Variants in CCDC51 observed in about 807,000 individuals in gnomAD.
CCDC51 encodes mitochondrial potassium channel.
Under a neutral mutation model 24.8 loss-of-function variants are expected in CCDC51, and 25 were observed. The observed-to-expected ratio is 1.01, with a 90% confidence interval of 0.73 to 1.41. The LOEUF (loss-of-function observed/expected upper bound fraction) is 1.41, where lower values mean the gene tolerates loss of function less well. Among genes scored for constraint, CCDC51 ranks in the 40% most tolerant of loss-of-function variants. The pLI is 0.00. For missense variants in CCDC51, 466 were observed against 519.1 expected, an observed-to-expected ratio of 0.90 and a Z score of 0.99; for synonymous variants, 190 against 204.3, an observed-to-expected ratio of 0.93 and a Z score of 0.60.
chr3:48,440,618 G>A (rs1258778650), upstream of CCDC51: 2 of 1,611,138 alleles, frequency 1.2e-6, no homozygotes, highest in Admixed American at 3.3e-5. Context: ...CCGCGGGGAA[G>A]GGGCCCTTGG....
At position 48,433,719 on chromosome 3, in the gene CCDC51, G is replaced by A; in HGVS notation, c.465C>T (p.His155=). Residue 155 remains histidine (H), a synonymous_variant, in exon 3 of 4, where the codon CAC becomes CAT. Transcript: ENST00000395694. This position sits in a 1 kb window ranked among gnomAD's most constrained non-coding sequence, Gnocchi z 4.4. ...CTGAGGTGCCTACCTGCAGCATCCT[G>A]TGCTCGAGAGTAGCCAGTTCCAAGT... The part of the protein sequence containing the change: ...SQYLELATLE[H]RMLQEEKRLR... 1 of 1,613,664 alleles carries A rather than the reference G, an allele frequency of 6.2e-7. No individual in the cohort carries two copies. Among genetic ancestry groups the A allele is most frequent in the African/African-American group, 1.3e-5 (1 of 75,002 alleles).
In CCDC51 at chr3:48,437,222, A is replaced by G. The variant is rs987951022; in HGVS notation, c.-8-2086T>C. On this transcript the variant is annotated intron_variant, in intron 1 of 3. Coordinates refer to ENST00000395694, the MANE Select transcript of CCDC51 (RefSeq NM_001256964.2). This position sits in a 1 kb window ranked among gnomAD's most constrained non-coding sequence, Gnocchi z 4.2. ...CTGCTTTATTTTTCTCCTGATGGAT[A>G]TATTTCCTTATGTGTTGCCTATTCT... 1.3e-5 allele frequency among the ~76,000 whole-genome samples: 2 copies of G among 152,192 alleles called. No homozygotes were observed. Among genetic ancestry groups the G allele is most frequent in the Non-Finnish European group, 2.9e-5 (2 of 68,036 alleles).
In CCDC51 at chr3:48,432,518, G is replaced by C. The variant is rs2039201365; in HGVS notation, c.1126C>G (p.Gln376Glu). 2 of 1,614,206 alleles carry C rather than the reference G, an allele frequency of 1.2e-6. No individual in the cohort carries two copies. Among genetic ancestry groups the C allele is most frequent in the Non-Finnish European group, 8.5e-7 (1 of 1,180,048 alleles). The change falls in exon 4 of 4, where the codon CAG (glutamine) becomes GAG (glutamate). Residue 376 changes from glutamine to glutamate, a missense_variant. Physicochemically the swap from Gln to Glu is conservative, Grantham distance 29. Transcript: ENST00000395694. The stretch of plus-strand genomic sequence containing the variant: ...CTGTTGACTTGGGCTTCTAGTCTCT[G>C]CTCCGTGTCTGACAGTGCCAAGATC... The part of the protein sequence containing the change: ...SMILALSDTE[Q>E]RLEAQVNRNT...
At chr3:48,445,700 C>T in the CCDC51 span, among the ~76,000 whole-genome samples, 1 of 152,186 alleles carries the variant, frequency 6.6e-6, no homozygotes, top group East Asian at 1.9e-4. Flanking sequence ...CATTATAGGC[C>T]CTGATAGCAC....
rs901182539 is a variant in CCDC51 at position 48,437,433 on chromosome 3, G to GC, written c.-8-2298dup. 5.3e-5 allele frequency among the ~76,000 whole-genome samples: 8 copies of GC among 151,960 alleles called. No individual in the cohort carries two copies. The highest frequency in any genetic ancestry group is 8.8e-5 in the Non-Finnish European group (6 of 67,996). On this transcript the variant is annotated intron_variant, in intron 1 of 3. Transcript: ENST00000395694. The surrounding 1 kb of genome is among the most constrained non-coding windows in gnomAD (Gnocchi z 4.2). Reference sequence around the variant, plus strand: ...ATGTCACCACTTAGATGTTTCACAGGCCCCCCAACCAGCAAGGAGAAGAAT... The same window carrying GC: ...ATGTCACCACTTAGATGTTTCACAGGCCCCCCCAACCAGCAAGGAGAAGAAT...
chr3:48,438,564 C>T (rs1254130422), intron 1 of CCDC51, among the ~76,000 whole-genome samples: 1 of 152,130 alleles, frequency 6.6e-6, no homozygotes, highest in African/African-American at 2.4e-5. Flanking sequence ...TCATTTCTCT[C>T]CCACCTCACA....
intron 1 of CCDC51, among the ~76,000 whole-genome samples, chr3:48,439,253 T>C (rs1167872688): frequency 6.6e-6 from 1 of 152,244 alleles, no homozygotes; most frequent in Non-Finnish European, 1.5e-5. Flanking sequence ...GGTACCTACA[T>C]ATAGTACGTA....
chr3:48,441,550 T>C (rs2039568711), upstream of CCDC51, among the ~76,000 whole-genome samples: 2 of 152,144 alleles, frequency 1.3e-5, no homozygotes, highest in African/African-American at 4.8e-5. Context: ...TCTGAGTCTT[T>C]TTACTTCTGG....
chr3:48,432,876 G>A lies in CCDC51; in HGVS notation c.768C>T (p.Ser256=). ...EAIREQASSY[S]RQQRDLHNLM... is the part of the protein sequence containing the mutation. ...GATTGTGGAGGTCCCTCTGCTGGCG[G>A]GAGTAGCTAGACGCCTGTTCTCGAA... The change falls in exon 4 of 4, where the codon TCC becomes TCT. Residue 256 remains serine, a synonymous_variant. Transcript: ENST00000395694. The A allele has an allele frequency of 3.7e-6, 6 of 1,613,746 alleles. No individual in the cohort carries two copies. Among genetic ancestry groups the A allele is most frequent in the Non-Finnish European group, 5.1e-6 (6 of 1,179,798 alleles).
Position 48,435,011 on chromosome 3 carries a change from C to G in CCDC51, c.118G>C (p.Gly40Arg), listed in dbSNP as rs775136508. The change falls in exon 2 of 4, where the codon GGC (glycine) becomes CGC (arginine). Residue 40 changes from glycine (G) to arginine (R), a missense_variant. Gly to Arg is a moderately radical substitution (Grantham distance 125). Coordinates refer to ENST00000395694, the MANE Select transcript of CCDC51 (RefSeq NM_001256964.2). The surrounding 1 kb of genome is among the most constrained non-coding windows in gnomAD (Gnocchi z 4.2). Reference protein sequence around the residue: ...LFMTRTLCSPGPSQPGEKRPE... With the variant: ...LFMTRTLCSPRPSQPGEKRPE... ...CTTTTCTCTCCGGGCTGGCTTGGGCCTGGGCTGCAGAGAGTCCTGGTCATG... is the reference window on the plus strand; with the variant it reads ...CTTTTCTCTCCGGGCTGGCTTGGGCGTGGGCTGCAGAGAGTCCTGGTCATG... The G allele has an allele frequency of 6.0e-5, 97 of 1,614,114 alleles. No homozygotes were observed. Among genetic ancestry groups the G allele is most frequent in the Non-Finnish European group, 7.3e-5 (86 of 1,180,040 alleles).
In CCDC51 at chr3:48,432,995, C is replaced by G. The variant is rs760018290; in HGVS notation, c.649G>C (p.Ala217Pro). 9 of 1,614,210 alleles carry G rather than the reference C, an allele frequency of 5.6e-6. No individual in the cohort carries two copies. Among genetic ancestry groups the G allele is most frequent in the Non-Finnish European group, 7.6e-6 (9 of 1,180,044 alleles). The change falls in exon 4 of 4, where the codon GCT becomes CCT. Residue 217 changes from alanine (A) to proline (P), a missense_variant. Transcript: ENST00000395694. ...ACACGGTTCACATAGGTGGAGCCAG[C>G]CACACCAATCAGGGCCCCCAGGACT... ...GSVLGALIGV[A>P]GSTYVNRVRL...
chr3:48,440,231 A>C, upstream of CCDC51: 1 of 1,546,938 alleles, frequency 6.5e-7, no homozygotes, highest in East Asian at 2.2e-5. Context: ...CTCGCTGTCT[A>C]CGACAAAGGG....
At chr3:48,436,848 T>G (rs1231409126) in intron 1 of CCDC51, among the ~76,000 whole-genome samples, 1 of 152,214 alleles carries the variant, frequency 6.6e-6, no homozygotes, top group Non-Finnish European at 1.5e-5. Context: ...CTGTCTCCTA[T>G]GCAATCTCGG....
chr3:48,441,163 C>G (rs1418280807), upstream of CCDC51: 1 of 153,278 alleles, frequency 6.5e-6, no homozygotes, highest in Non-Finnish European at 1.5e-5. Flanking sequence ...TTACAGGCGC[C>G]TGGCACCACG....
At chr3:48,440,248 A>G (rs1560095405), upstream of CCDC51, 4 of 1,569,570 alleles carry the variant, frequency 2.5e-6, no homozygotes, top group South Asian at 2.4e-5. Flanking sequence ...AGGGTGGGGC[A>G]GACGCTCCGT....
chr3:48,435,173 G>T lies in CCDC51; in HGVS notation c.-8-37C>A. On this transcript the variant is annotated intron_variant, in intron 1 of 3. Transcript: ENST00000395694. The surrounding 1 kb of genome is among the most constrained non-coding windows in gnomAD (Gnocchi z 4.2). ...ACGCCAGACAGGTCAGCTCACAGCT[G>T]AGAAAGGCTGGACATAAGTCAGTTT... is the stretch of plus-strand genomic sequence containing the variant. The T allele has an allele frequency of 6.7e-7, 1 of 1,503,142 alleles. No individual in the cohort carries two copies. Among genetic ancestry groups the T allele is most frequent in the South Asian group, 1.3e-5 (1 of 74,712 alleles). 93.1% of individuals were successfully genotyped at this position (1,503,142 alleles called of 1,614,324 possible). A position where few individuals can be genotyped will look rare whatever the true frequency, so the allele number is the denominator to read the frequency against.
chr3:48,441,389 G>A (rs577801807), upstream of CCDC51, among the ~76,000 whole-genome samples: 1 of 151,228 alleles, frequency 6.6e-6, no homozygotes, highest in East Asian at 1.9e-4. Context: ...CACCATGTTG[G>A]CCAAGCTGGT....
At chr3:48,434,562 C>T (rs1227646317) in intron 2 of CCDC51, among the ~76,000 whole-genome samples, 1 of 152,224 alleles carries the variant, frequency 6.6e-6, no homozygotes, top group Non-Finnish European at 1.5e-5. Context: ...AAATGGTCCA[C>T]AAAGGAAGTA....
rs1447429595 is a variant in CCDC51 at position 48,437,654 on chromosome 3, C to T, written c.-9+2334G>A. Among the ~76,000 whole-genome samples the T allele has an allele frequency of 6.6e-6, 1 of 152,142 alleles. No homozygotes were observed. The highest frequency in any genetic ancestry group is 1.5e-5 in the Non-Finnish European group (1 of 68,028). The stretch of plus-strand genomic sequence containing the variant: ...GCTCTATGTAGATGGCTGTCTCCTA[C>T]CAACTGCCCCTTCCTCAAGCCTCTA... On this transcript the variant is annotated intron_variant, in intron 1 of 3. Coordinates refer to ENST00000395694, the MANE Select transcript of CCDC51 (RefSeq NM_001256964.2). The surrounding 1 kb of genome is among the most constrained non-coding windows in gnomAD (Gnocchi z 4.2).
Sources: allele counts gnomAD v4.1 joint callset (sites outside exome capture counted in the v4.1 genomes callset), GRCh38; gene constraint gnomAD v4.1.1; non-coding constraint Gnocchi (gnomAD v3.1); transcripts MANE v1.5; gene names NCBI Gene and HGNC (gene_info 2026-07-23, HGNC 2026-07-21).